BMAL2: variants seen among roughly 807,000 people sequenced by gnomAD.
BMAL2 encodes basic helix-loop-helix ARNT like 2.
At chr12:27,371,980 C>T in the BMAL2 span, among the ~76,000 whole-genome samples, 8 of 152,134 alleles carry the variant, frequency 5.3e-5, no homozygotes, top group East Asian at 1.9e-4. Context: ...CACTATTTCA[C>T]GTAAGTGGGA....
chr12:27,414,696 G>GA, the BMAL2 span, among the ~76,000 whole-genome samples: 28 of 151,810 alleles, frequency 1.8e-4, no homozygotes, highest in African/African-American at 6.5e-4. Context: ...CCTATGTTAA[G>GA]AAAAAAACCC....
At chr12:27,353,764 T>C in the BMAL2 span, among the ~76,000 whole-genome samples, 1 of 151,578 alleles carries the variant, frequency 6.6e-6, no homozygotes, top group African/African-American at 2.4e-5. Flanking sequence ...GCAAAGGGCA[T>C]AAACAGACAC....
the BMAL2 span, among the ~76,000 whole-genome samples, chr12:27,373,114 C>G: frequency 6.6e-5 from 10 of 152,150 alleles, 1 homozygote; most frequent in Non-Finnish European, 1.2e-4. Flanking sequence ...GAGAGAACAA[C>G]AGAGAATAGC....
At chr12:27,364,043 G>A in the BMAL2 span, among the ~76,000 whole-genome samples, 4 of 152,126 alleles carry the variant, frequency 2.6e-5, no homozygotes, top group Non-Finnish European at 5.9e-5. Flanking sequence ...GTCTGGTGAG[G>A]GCTGCTCCAT....
chr12:27,373,763 CTACATTTCATTCAAA>C, the BMAL2 span, among the ~76,000 whole-genome samples: 2 of 152,164 alleles, frequency 1.3e-5, no homozygotes, highest in African/African-American at 4.8e-5. Flanking sequence ...GAAAGAATGC[CTACATTTCATTCAAA>C]ATGCAGTGAA....
At chr12:27,363,700 A>C in the BMAL2 span, among the ~76,000 whole-genome samples, 2 of 152,178 alleles carry the variant, frequency 1.3e-5, no homozygotes, top group East Asian at 3.9e-4. Flanking sequence ...TCTTTATATA[A>C]TCTGAATATT....
chr12:27,336,963 AAAAAAAAG>A, the BMAL2 span, among the ~76,000 whole-genome samples: 1 of 151,896 alleles, frequency 6.6e-6, no homozygotes, highest in Admixed American at 6.6e-5. Context: ...AAAAAAAAAA[AAAAAAAAG>A]TATTTTAAAC....
At chr12:27,382,141 A>T in the BMAL2 span, among the ~76,000 whole-genome samples, 1 of 152,180 alleles carries the variant, frequency 6.6e-6, no homozygotes, top group Non-Finnish European at 1.5e-5. Flanking sequence ...CCCACAGCTG[A>T]GGCTTGCAAT....
chr12:27,403,324 T>G, the BMAL2 span: 2 of 723,224 alleles, frequency 2.8e-6, no homozygotes, highest in Admixed American at 2.8e-5. Context: ...GTTTTCCAAC[T>G]TTTTTGGATG....
the BMAL2 span, among the ~76,000 whole-genome samples, chr12:27,344,609 C>A: frequency 6.6e-6 from 1 of 152,182 alleles, no homozygotes; most frequent in Non-Finnish European, 1.5e-5. Flanking sequence ...GCTTTTAAGA[C>A]TGTTCAACTG....
chr12:27,369,838 A>C, the BMAL2 span, among the ~76,000 whole-genome samples: 1 of 152,204 alleles, frequency 6.6e-6, no homozygotes, highest in African/African-American at 2.4e-5. Flanking sequence ...CATGCGAAGT[A>C]CTGACAGTAT....
the BMAL2 span, among the ~76,000 whole-genome samples, chr12:27,354,184 C>T: frequency 1.3e-5 from 2 of 152,090 alleles, no homozygotes; most frequent in African/African-American, 2.4e-5. Context: ...TCATCAGTGG[C>T]GGACTGGACA....
chr12:27,397,127 G>A, the BMAL2 span, among the ~76,000 whole-genome samples: 2 of 152,158 alleles, frequency 1.3e-5, no homozygotes, highest in East Asian at 1.9e-4. Context: ...CTGGAGTGCA[G>A]TGGCATGATC....
chr12:27,407,302 A>G, the BMAL2 span, among the ~76,000 whole-genome samples: 8 of 152,220 alleles, frequency 5.3e-5, no homozygotes, highest in Non-Finnish European at 1.2e-4. Flanking sequence ...TCTTTTCAGC[A>G]CTACACCACA....
the BMAL2 span, among the ~76,000 whole-genome samples, chr12:27,403,929 G>A: frequency 2.0e-5 from 3 of 151,618 alleles, no homozygotes; most frequent in Non-Finnish European, 2.9e-5. Context: ...TGGGGAGGCC[G>A]AGGCAGATGG....
chr12:27,336,898 C>T, the BMAL2 span, among the ~76,000 whole-genome samples: 9 of 137,630 alleles, frequency 6.5e-5, no homozygotes, highest in Admixed American at 8.1e-5. Context: ...TGTAGTGAGT[C>T]GAGATCATTC....
chr12:27,389,280 G>A, the BMAL2 span: 3 of 1,595,168 alleles, frequency 1.9e-6, no homozygotes, highest in Non-Finnish European at 2.6e-6. Flanking sequence ...CAAGAGAAAA[G>A]CTAATAGATG....
chr12:27,365,636 A>G, the BMAL2 span, among the ~76,000 whole-genome samples: 1 of 151,858 alleles, frequency 6.6e-6, no homozygotes, highest in African/African-American at 2.4e-5. Context: ...GTTTCATTCC[A>G]TCTAAATTTT....
the BMAL2 span, among the ~76,000 whole-genome samples, chr12:27,408,429 C>G: frequency 6.6e-6 from 1 of 152,186 alleles, no homozygotes; most frequent in South Asian, 2.1e-4. Flanking sequence ...GGATGCAAGG[C>G]TGGTTCAACA....
Sources: gnomAD v4.1 joint callset for allele counts (sites outside exome capture counted in the v4.1 genomes callset) on GRCh38, gnomAD v4.1.1 for gene constraint, MANE v1.5 for transcripts, NCBI Gene and HGNC (gene_info 2026-07-23, HGNC 2026-07-21) for gene names.